Variants in PPAT observed in about 807,000 individuals in gnomAD.
PPAT encodes amidophosphoribosyltransferase.
Under a neutral mutation model 60.2 loss-of-function variants are expected in PPAT, and 20 were observed. That is an observed-to-expected ratio of 0.33 (90% CI 0.23 to 0.48). PPAT has a LOEUF of 0.48. Ranked by LOEUF, PPAT falls within the 20% of genes least tolerant of loss-of-function variation. The pLI is 0.99. For missense variants in PPAT, 349 were observed against 629.6 expected (o/e 0.55, Z 4.77); for synonymous variants, 194 against 215.1 (o/e 0.90, Z 0.86).
chr4:56,407,501 A>G (rs1578117975), intron 2 of PPAT, 149 bp downstream of exon 2: 1 of 560,914 alleles, frequency 1.8e-6, no homozygotes, highest in Non-Finnish European at 3.3e-6. Context: ...TATTTTTAGT[A>G]GAGACAGGGT....
At position 56,435,468 on chromosome 4, in the gene PPAT, C is replaced by G. The variant is rs1028821471; in HGVS notation, c.10G>C (p.Glu4Gln). The change falls in exon 1 of 11, where the codon GAG (glutamate) becomes CAG (glutamine). Residue 4 changes from glutamate to glutamine, a missense_variant. Glu to Gln is a conservative substitution (Grantham distance 29). Around this residue, in one of 5 missense-constraint regions of PPAT, gnomAD observed 115 missense variants for 174.5 expected, o/e 0.66. Coordinates refer to ENST00000264220, the MANE Select transcript of PPAT (RefSeq NM_002703.5). MELEELGIREECGV... is the reference protein window; with the variant it reads MELQELGIREECGV... ...CATTCCTCTCGGATCCCCAACTCCT[C>G]CAGCTCCATGTCGCCGCCGAAAGCA... 2 of 1,613,552 alleles carry G rather than the reference C, an allele frequency of 1.2e-6. No individual in the cohort carries two copies. The highest frequency in any genetic ancestry group is 1.7e-6 in the Non-Finnish European group (2 of 1,179,938).
Position 56,394,796 on chromosome 4 carries a change from C to T in PPAT, c.*556G>A, listed in dbSNP as rs1715920738. The T allele has an allele frequency of 6.7e-6, 1 of 148,992 alleles. No homozygotes were observed. The highest frequency in any genetic ancestry group is 2.1e-4 in the South Asian group (1 of 4,738). The allele number at this position is 148,992 out of a possible 1,614,324, so 9.2% of individuals were successfully genotyped here. On this transcript the variant is annotated 3_prime_UTR_variant, in exon 11 of 11. Transcript: ENST00000264220. ...ATCACAAAAGTATGACACTTATTCA[C>T]ATTCTTATTAATTATTTAATAAGTA...
rs1292206586 is a variant in PPAT at position 56,393,385 on chromosome 4, T to C, written c.*1967A>G. 8.6e-5 allele frequency: 13 copies of C among 151,676 alleles called. No homozygotes were observed. The highest frequency in any genetic ancestry group is 2.9e-5 in the Non-Finnish European group (2 of 67,960). 9.4% of individuals were successfully genotyped at this position (151,676 alleles called of 1,614,324 possible). A position where few individuals can be genotyped will look rare whatever the true frequency, so the allele number is the denominator to read the frequency against. On this transcript the variant is annotated 3_prime_UTR_variant, in exon 11 of 11. Transcript: ENST00000264220. ...TATTTAAACATACTTATTACACATA[T>C]TTATCAACAAGGCATCACAAATAAG...
intron 1 of PPAT, among the ~76,000 whole-genome samples, chr4:56,413,025 G>A (rs1294516239): frequency 1.3e-5 from 2 of 151,906 alleles, no homozygotes; most frequent in African/African-American, 2.4e-5. Flanking sequence ...CCACCCCCAT[G>A]CAAATGATAC....
intron 9 of PPAT, among the ~76,000 whole-genome samples, chr4:56,398,477 T>A (rs1271868609): frequency 6.6e-6 from 1 of 152,018 alleles, no homozygotes; most frequent in Non-Finnish European, 1.5e-5. Context: ...TAAAAAGCAT[T>A]CTATTGTGTG....
intron 1 of PPAT, among the ~76,000 whole-genome samples, chr4:56,426,737 C>T (rs1314729305): frequency 6.6e-6 from 1 of 152,150 alleles, no homozygotes; most frequent in East Asian, 1.9e-4. Flanking sequence ...TATGAACATT[C>T]TGGTACAATT....
chr4:56,427,769 G>C (rs889043540), intron 1 of PPAT, among the ~76,000 whole-genome samples: 2 of 152,082 alleles, frequency 1.3e-5, no homozygotes, highest in African/African-American at 4.8e-5. Context: ...GTCACCCCCT[G>C]CTGCACATCA....
intron 3 of PPAT, chr4:56,404,180 C>T (rs1371461778): frequency 7.2e-6 from 2 of 279,452 alleles, no homozygotes; most frequent in Admixed American, 7.5e-5. Flanking sequence ...CTTTTGAATA[C>T]TAAATCTGAA....
intron 1 of PPAT, among the ~76,000 whole-genome samples, chr4:56,429,958 T>C (rs1176889460): frequency 6.6e-6 from 1 of 152,150 alleles, no homozygotes; most frequent in African/African-American, 2.4e-5. Flanking sequence ...GAATAGTCCA[T>C]TGTAAAAATA....
At chr4:56,433,530 A>C (rs12511049) in intron 1 of PPAT, among the ~76,000 whole-genome samples, 11,161 of 151,498 alleles carry the variant, frequency 0.074, 598 homozygotes, top group East Asian at 0.25. Flanking sequence ...CTTCAGGCAC[A>C]CATTTAAAGG....
At chr4:56,413,298 C>T (rs780733301) in intron 1 of PPAT, among the ~76,000 whole-genome samples, 8 of 151,998 alleles carry the variant, frequency 5.3e-5, no homozygotes, top group East Asian at 1.9e-4. Context: ...GGATTAGAGG[C>T]GCAACGCCAC....
chr4:56,395,179 A>G lies in PPAT; in HGVS notation c.*173T>C. 2 of 565,566 alleles carry G rather than the reference A, an allele frequency of 3.5e-6. No individual in the cohort carries two copies. The highest frequency in any genetic ancestry group is 6.1e-6 in the Non-Finnish European group (2 of 326,910). 35.0% of individuals were successfully genotyped at this position (565,566 alleles called of 1,614,324 possible). On this transcript the variant is annotated 3_prime_UTR_variant, in exon 11 of 11. Transcript: ENST00000264220. The stretch of plus-strand genomic sequence containing the variant: ...GTATTATATGCAATTGGAAATGTTC[A>G]GTTATCGCACTTTGGTATCCTTTTC...
chr4:56,407,041 A>T (rs936128108), intron 2 of PPAT, among the ~76,000 whole-genome samples: 1 of 152,232 alleles, frequency 6.6e-6, no homozygotes, highest in Admixed American at 6.5e-5. Flanking sequence ...AGATGTAGTA[A>T]GCAATAAAAT....
chr4:56,408,870 A>G (rs551366766), intron 1 of PPAT, among the ~76,000 whole-genome samples: 1 of 152,326 alleles, frequency 6.6e-6, no homozygotes, highest in Non-Finnish European at 1.5e-5. Context: ...CTTCCCCAGA[A>G]GAACCACCAC....
At chr4:56,430,284 C>A (rs1717513708) in intron 1 of PPAT, among the ~76,000 whole-genome samples, 1 of 152,088 alleles carries the variant, frequency 6.6e-6, no homozygotes, top group Admixed American at 6.6e-5. Context: ...ATGCATATAT[C>A]CAAGCACTGT....
intron 1 of PPAT, chr4:56,425,276 T>C: frequency 6.3e-6 from 1 of 157,872 alleles, no homozygotes; most frequent in East Asian, 1.9e-4. Context: ...ACATGCATTA[T>C]AATTTGTATA....
At chr4:56,433,629 AC>A (rs1717723638) in intron 1 of PPAT, among the ~76,000 whole-genome samples, 1 of 152,054 alleles carries the variant, frequency 6.6e-6, no homozygotes. Context: ...TTTTCTACAG[AC>A]CACCAGGCAA....
At chr4:56,402,907 ATTTAT>A in intron 5 of PPAT, 128 bp downstream of exon 5, 2 of 696,672 alleles carry the variant, frequency 2.9e-6, no homozygotes, top group Non-Finnish European at 2.2e-6. Flanking sequence ...GGAAGAATAC[ATTTAT>A]TTTTATTTTT....
At chr4:56,416,131 A>C (rs7654543) in intron 1 of PPAT, among the ~76,000 whole-genome samples, 51,356 of 151,844 alleles carry the variant, frequency 0.34, 9,294 homozygotes, top group Non-Finnish European at 0.41. Context: ...AAAACTTAAA[A>C]AATTATCAAA....
Sources: allele counts gnomAD v4.1 joint callset (sites outside exome capture counted in the v4.1 genomes callset), GRCh38; gene constraint gnomAD v4.1.1; regional missense constraint gnomAD v4.1.1; transcripts MANE v1.5; gene names NCBI Gene and HGNC (gene_info 2026-07-23, HGNC 2026-07-21).